The following ZSCAN25 variants were observed in gnomAD, a reference collection of about 807,000 sequenced individuals.
ZSCAN25 encodes the protein zinc finger and SCAN domain-containing protein 25.
Under a neutral mutation model 38.7 loss-of-function variants are expected in ZSCAN25, and 27 were observed. That is an observed-to-expected ratio of 0.70 (90% CI 0.51 to 0.96). ZSCAN25 has a LOEUF of 0.96. Ranked by LOEUF, ZSCAN25 falls within the 40% of genes least tolerant of loss-of-function variation. The pLI is 0.00. For missense variants in ZSCAN25, 637 were observed against 705.9 expected (o/e 0.90, Z 1.11); for synonymous variants, 273 against 277.7 (o/e 0.98, Z 0.17).
chr7:99,687,562 G>A, the ZSCAN25 span, among the ~76,000 whole-genome samples: 4 of 152,340 alleles, frequency 2.6e-5, no homozygotes, highest in Admixed American at 1.3e-4. Context: ...ACCTGAAAGC[G>A]ATGGGGAGAA....
intron 7 of ZSCAN25, 152 bp downstream of exon 7, chr7:99,624,332 C>A: frequency 1.2e-6 from 1 of 844,480 alleles, no homozygotes; most frequent in Non-Finnish European, 1.8e-6. Context: ...GCACGAGGAG[C>A]TGCTTTCCTG....
At chr7:99,734,052 A>G in the ZSCAN25 span, among the ~76,000 whole-genome samples, 2 of 152,234 alleles carry the variant, frequency 1.3e-5, no homozygotes, top group Non-Finnish European at 2.9e-5. Flanking sequence ...CAGAAGGAAC[A>G]TGCTGGAAAT....
At chr7:99,641,022 C>T in the ZSCAN25 span, among the ~76,000 whole-genome samples, 1 of 152,158 alleles carries the variant, frequency 6.6e-6, no homozygotes, top group Non-Finnish European at 1.5e-5. Context: ...GTTTTCCCTT[C>T]CTAGTCAAAA....
chr7:99,674,363 CA>C, the ZSCAN25 span: 4 of 501,032 alleles, frequency 8.0e-6, no homozygotes, highest in Middle Eastern at 4.7e-4. Flanking sequence ...ATTCCCATTG[CA>C]ATATTCTACT....
At chr7:99,702,498 G>A in the ZSCAN25 span, among the ~76,000 whole-genome samples, 1 of 152,138 alleles carries the variant, frequency 6.6e-6, no homozygotes, top group Non-Finnish European at 1.5e-5. Context: ...AGCACCAGAG[G>A]AGACCGTCTT....
chr7:99,618,862 A>T (rs191472448), intron 2 of ZSCAN25, among the ~76,000 whole-genome samples, 186 bp from the exon 3 acceptor site: 1 of 152,226 alleles, frequency 6.6e-6, no homozygotes, highest in African/African-American at 2.4e-5. Flanking sequence ...CTGAAGCCAC[A>T]CTGGGATATG....
chr7:99,664,030 T>C, the ZSCAN25 span: 11 of 1,601,516 alleles, frequency 6.9e-6, no homozygotes, highest in African/African-American at 9.4e-5. Flanking sequence ...AAAAAATTTA[T>C]GGTATCTTTT....
In ZSCAN25 at chr7:99,619,968, CAGAA is replaced by C. The variant is rs779964790; in HGVS notation, c.366_369del (p.Arg123HisfsTer87). On this transcript the variant is annotated frameshift_variant, in exon 4 of 8. Transcript: ENST00000394152. LOFTEE classifies it high-confidence loss of function. ...CTGGCCGCCATGGTGGAGGACCTGACAGAAAGAGCACTGGAGGCCAAGGCGGTGG... is the reference window on the plus strand; with the variant it reads ...CTGGCCGCCATGGTGGAGGACCTGACAGAGCACTGGAGGCCAAGGCGGTGG... 28 of 1,613,726 alleles carry C rather than the reference CAGAA, an allele frequency of 1.7e-5. No homozygotes were observed. Among genetic ancestry groups the C allele is most frequent in the Admixed American group, 6.7e-5 (4 of 60,032 alleles).
At chr7:99,699,586 C>G in the ZSCAN25 span, among the ~76,000 whole-genome samples, 2 of 152,190 alleles carry the variant, frequency 1.3e-5, no homozygotes, top group Non-Finnish European at 2.9e-5. Context: ...CTCCTGCCCC[C>G]AGAATCCCGA....
the ZSCAN25 span, among the ~76,000 whole-genome samples, chr7:99,704,657 C>G: frequency 2.6e-5 from 4 of 151,950 alleles, no homozygotes; most frequent in Non-Finnish European, 5.9e-5. Flanking sequence ...TGGGTTAACT[C>G]TCACCTATGT....
chr7:99,662,168 C>T, the ZSCAN25 span, among the ~76,000 whole-genome samples: 1 of 152,170 alleles, frequency 6.6e-6, no homozygotes, highest in African/African-American at 2.4e-5. This position sits in a 1 kb window ranked among gnomAD's most constrained non-coding sequence, Gnocchi z 4.3. Context: ...CTCTCTAGAA[C>T]CAATTGTTAA....
At chr7:99,660,245 T>TTTAA in the ZSCAN25 span, 1 of 738,736 alleles carries the variant, frequency 1.4e-6, no homozygotes, top group Non-Finnish European at 1.6e-6. Context: ...TTTTTTTTTT[T>TTTAA]ACTTAGCATT....
chr7:99,648,390 T>C, the ZSCAN25 span: 1 of 1,611,920 alleles, frequency 6.2e-7, no homozygotes, highest in South Asian at 1.1e-5. Flanking sequence ...CGTGTCTAAT[T>C]TCAAGGGGAT....
Position 99,630,590 on chromosome 7 carries a change from T to C in ZSCAN25, c.*570T>C. The C allele has an allele frequency of 1.0e-6, 1 of 986,792 alleles. No homozygotes were observed. The highest frequency in any genetic ancestry group is 1.2e-6 in the Non-Finnish European group (1 of 831,022). 61.1% of individuals were successfully genotyped at this position (986,792 alleles called of 1,614,324 possible). ...GCATTCTCAGGGTATCTGTGCTGTG[T>C]GCCCGTGAGAACATCTTCCCATGAC... On this transcript the variant is annotated 3_prime_UTR_variant, in exon 8 of 8. Coordinates refer to ENST00000394152, the MANE Select transcript of ZSCAN25 (RefSeq NM_145115.3).
At chr7:99,701,857 A>G in the ZSCAN25 span, among the ~76,000 whole-genome samples, 14 of 152,172 alleles carry the variant, frequency 9.2e-5, no homozygotes, top group African/African-American at 3.1e-4. Context: ...ATCTGTTGTC[A>G]GAGTGTTTGA....
chr7:99,657,073 T>A, the ZSCAN25 span, among the ~76,000 whole-genome samples: 1 of 152,336 alleles, frequency 6.6e-6, no homozygotes, highest in South Asian at 2.1e-4. Context: ...TTTTTGTGTC[T>A]CTGTTTCCTT....
At chr7:99,679,550 C>T in the ZSCAN25 span, among the ~76,000 whole-genome samples, 4 of 152,164 alleles carry the variant, frequency 2.6e-5, no homozygotes, top group Admixed American at 6.5e-5. Flanking sequence ...GATTAGTCTT[C>T]GTCAGATCTA....
the ZSCAN25 span, chr7:99,666,858 G>T: frequency 3.7e-5 from 58 of 1,588,086 alleles, no homozygotes; most frequent in African/African-American, 5.4e-5. Context: ...GAACTCAGTG[G>T]ACTACCCCTT....
the ZSCAN25 span, among the ~76,000 whole-genome samples, chr7:99,695,121 G>A: frequency 8.5e-5 from 13 of 152,138 alleles, no homozygotes; most frequent in Non-Finnish European, 2.9e-5. Context: ...AAGTAAAGCA[G>A]AACACCTTTG....
Sources: allele counts gnomAD v4.1 joint callset (sites outside exome capture counted in the v4.1 genomes callset), GRCh38; gene constraint gnomAD v4.1.1; non-coding constraint Gnocchi (gnomAD v3.1); transcripts MANE v1.5; gene names NCBI Gene and HGNC (gene_info 2026-07-23, HGNC 2026-07-21).